ASB1: variants seen among roughly 807,000 people sequenced by gnomAD.
ASB1 encodes ankyrin repeat and SOCS box containing 1.
ASB1 carries 18 observed loss-of-function variants against 27.7 expected under a neutral mutation model. The observed-to-expected ratio is 0.65, with a 90% CI of 0.45 to 0.96. ASB1 has a LOEUF of 0.96. Ranked by LOEUF, ASB1 falls within the 50% of genes least tolerant of loss-of-function variation. The pLI is 0.00. For missense variants in ASB1, 397 were observed against 451.7 expected, an observed-to-expected ratio of 0.88 and a Z score of 1.10; for synonymous variants, 189 against 187.6, an observed-to-expected ratio of 1.01 and a Z score of -0.06.
At chr2:238,442,240 C>T (rs964593041) in intron 3 of ASB1, among the ~76,000 whole-genome samples, 5 of 151,892 alleles carry the variant, frequency 3.3e-5, no homozygotes, top group Non-Finnish European at 7.4e-5. Flanking sequence ...CTCAGCCTCC[C>T]GAGTAGCTGG....
intron 4 of ASB1, among the ~76,000 whole-genome samples, chr2:238,445,534 A>G (rs1702163598): frequency 6.6e-6 from 1 of 152,222 alleles, no homozygotes; most frequent in African/African-American, 2.4e-5. Flanking sequence ...CGATTAATGC[A>G]TCAATAGCAC....
intron 1 of ASB1, among the ~76,000 whole-genome samples, chr2:238,429,726 A>G (rs1701830179): frequency 6.6e-6 from 1 of 152,098 alleles, no homozygotes; most frequent in Non-Finnish European, 1.5e-5. Flanking sequence ...AGGTCAGGAG[A>G]TCAAGATCAT....
rs192701008 is a variant in ASB1 at position 238,428,229 on chromosome 2, A to G, written c.49+1110A>G. On this transcript the variant is annotated intron_variant, in intron 1 of 4. Coordinates refer to ENST00000264607, the MANE Select transcript of ASB1 (RefSeq NM_001040445.3). ...GTGTTCCGTGGGAAAAAGAGGACCA[A>G]CAGCTACTTCCCAGTATAAAGAGAG... Among the ~76,000 whole-genome samples the G allele has an allele frequency of 1.2e-4, 18 of 152,262 alleles. No homozygotes were observed. In the East Asian group the frequency reaches 3.5e-3, roughly 29 times the overall value.
At chr2:238,437,254 CAG>C (rs919179249) in intron 3 of ASB1, among the ~76,000 whole-genome samples, 56 of 151,698 alleles carry the variant, frequency 3.7e-4, no homozygotes, top group African/African-American at 1.3e-3. Context: ...TTTTTTGAGA[CAG>C]AGTCTTGCAG....
At chr2:238,430,848 G>A (rs1279477562) in intron 1 of ASB1, among the ~76,000 whole-genome samples, 1 of 152,100 alleles carries the variant, frequency 6.6e-6, no homozygotes, top group Non-Finnish European at 1.5e-5. Flanking sequence ...GTAGTATTTT[G>A]AAAGGAATCT....
intron 3 of ASB1, among the ~76,000 whole-genome samples, chr2:238,438,199 A>ATTTTTTTTTTT (rs57391955): frequency 0.013 from 1,294 of 98,142 alleles, 92 homozygotes; most frequent in East Asian, 0.025. Context: ...GATGCCCTTC[A>ATTTTTTTTTTT]TTTTTTTTTT....
intron 3 of ASB1, among the ~76,000 whole-genome samples, chr2:238,438,799 T>A (rs1459839707): frequency 6.6e-6 from 1 of 152,218 alleles, no homozygotes; most frequent in African/African-American, 2.4e-5. Flanking sequence ...ATTTTGTTAT[T>A]TGTAAATTCA....
intron 3 of ASB1, among the ~76,000 whole-genome samples, chr2:238,442,300 T>TG (rs1702092779): frequency 6.6e-6 from 1 of 151,910 alleles, no homozygotes; most frequent in African/African-American, 2.4e-5. Flanking sequence ...TTAGTAGAGA[T>TG]GGGGTTTCGT....
Position 238,446,586 on chromosome 2 carries a change from T to C in ASB1, c.*75T>C, listed in dbSNP as rs1017651303. ...GAGGTGGACACCGAGCCCTGAGTGC[T>C]GTGCTGCTGCTGGTCTCCTGATGGC... On this transcript the variant is annotated 3_prime_UTR_variant, in exon 5 of 5. Coordinates refer to ENST00000264607, the MANE Select transcript of ASB1 (RefSeq NM_001040445.3). 7.7e-6 allele frequency: 12 copies of C among 1,568,328 alleles called. No homozygotes were observed. The highest frequency in any genetic ancestry group is 1.7e-5 in the Admixed American group (1 of 59,888).
Position 238,448,511 on chromosome 2 carries a change from AC to A in ASB1, c.*2003del, listed in dbSNP as rs1222830451. 6.6e-6 allele frequency: 1 copy of A among 152,022 alleles called. No individual in the cohort carries two copies. The highest frequency in any genetic ancestry group is 2.4e-5 in the African/African-American group (1 of 41,344). The allele number at this position is 152,022 out of a possible 1,614,324, so 9.4% of individuals were successfully genotyped here. A position where few individuals can be genotyped will look rare whatever the true frequency, so the allele number is the denominator to read the frequency against. ...CCACCTCGAGGCTCTTCTTCCTGCC[AC>A]CCTTTGGGCTCAGAGGAGGGTGGCT... On this transcript the variant is annotated 3_prime_UTR_variant, in exon 5 of 5. Transcript: ENST00000264607.
intron 1 of ASB1, among the ~76,000 whole-genome samples, chr2:238,430,252 C>T (rs1217478524): frequency 6.6e-6 from 1 of 152,212 alleles, no homozygotes; most frequent in Non-Finnish European, 1.5e-5. Context: ...GGAATCAGTC[C>T]TCTCTAACCC....
chr2:238,434,602 A>G (rs898415075), intron 2 of ASB1, among the ~76,000 whole-genome samples: 10 of 152,212 alleles, frequency 6.6e-5, no homozygotes, highest in African/African-American at 1.7e-4. Context: ...TCTTAGCAGT[A>G]TTTCATCAAA....
intron 1 of ASB1, chr2:238,427,873 A>G (rs999834397): frequency 3.9e-5 from 6 of 152,182 alleles, no homozygotes; most frequent in Admixed American, 3.3e-4. Flanking sequence ...CTTTCTTTAC[A>G]TGCCTATATT....
intron 3 of ASB1, among the ~76,000 whole-genome samples, chr2:238,440,845 G>T (rs1342571850): frequency 6.6e-6 from 1 of 152,246 alleles, no homozygotes; most frequent in Non-Finnish European, 1.5e-5. Flanking sequence ...CCCTATGTGA[G>T]ATTTGTTTCC....
chr2:238,434,285 T>C (rs2106404247), intron 2 of ASB1, among the ~76,000 whole-genome samples: 1 of 152,346 alleles, frequency 6.6e-6, no homozygotes, highest in Middle Eastern at 3.4e-3. Context: ...AAGTGATGCT[T>C]GCCCTTCCCT....
At chr2:238,430,435 T>A (rs538806723) in intron 1 of ASB1, among the ~76,000 whole-genome samples, 1 of 152,376 alleles carries the variant, frequency 6.6e-6, no homozygotes, top group Non-Finnish European at 1.5e-5. Context: ...ATCTTCAGGC[T>A]GTAATTCTAG....
At chr2:238,431,418 G>C (rs990523264) in intron 1 of ASB1, among the ~76,000 whole-genome samples, 4 of 152,234 alleles carry the variant, frequency 2.6e-5, no homozygotes, top group African/African-American at 7.2e-5. Flanking sequence ...TGGTTTGATC[G>C]TATCTCCAGA....
chr2:238,443,901 T>G (rs530960881), intron 3 of ASB1, among the ~76,000 whole-genome samples: 1 of 152,256 alleles, frequency 6.6e-6, no homozygotes, highest in South Asian at 2.1e-4. Context: ...TTAATATACT[T>G]AAGGATTCTC....
chr2:238,450,079 CAT>C lies in ASB1; in HGVS notation c.*3569_*3570del, dbSNP rs1227031183. 2 of 152,292 alleles carry C rather than the reference CAT, an allele frequency of 1.3e-5. No homozygotes were observed. Among genetic ancestry groups the C allele is most frequent in the African/African-American group, 2.4e-5 (1 of 41,452 alleles). 9.4% of individuals were successfully genotyped at this position (152,292 alleles called of 1,614,324 possible). A position where few individuals can be genotyped will look rare whatever the true frequency, so the allele number is the denominator to read the frequency against. On this transcript the variant is annotated 3_prime_UTR_variant, in exon 5 of 5. Transcript: ENST00000264607. ...AGCAATGTGTTACGCAAGCAGTCTC[CAT>C]GTGTGTGTAAACTGCTGTCCTGGTG...
Sources: allele counts gnomAD v4.1 joint callset (sites outside exome capture counted in the v4.1 genomes callset), GRCh38; gene constraint gnomAD v4.1.1; transcripts MANE v1.5; gene names NCBI Gene and HGNC (gene_info 2026-07-23, HGNC 2026-07-21).